Variants in AKAP7 observed in about 807,000 individuals in gnomAD.
AKAP7 encodes the protein A kinase (PRKA) anchor protein 7.
A neutral mutation model predicts 39.5 loss-of-function variants in AKAP7; 39 were observed. That is an observed-to-expected ratio of 0.99 (90% CI 0.76 to 1.29). AKAP7 has a LOEUF of 1.29. Among genes scored for constraint, AKAP7 ranks in the 50% most tolerant of loss-of-function variants. The pLI, the probability that AKAP7 is intolerant of heterozygous loss-of-function variation, is 0.00. For synonymous variants in AKAP7, 140 were observed against 139.1 expected (o/e 1.01, Z -0.05); for missense variants, 414 against 407.7 (o/e 1.02, Z -0.13).
upstream of AKAP7, among the ~76,000 whole-genome samples, chr6:131,132,706 A>G (rs536265490): frequency 6.6e-6 from 1 of 152,236 alleles, no homozygotes; most frequent in African/African-American, 2.4e-5. Flanking sequence ...TTGTACCTCT[A>G]TCTCCTGTAT....
intron 7 of AKAP7, among the ~76,000 whole-genome samples, chr6:131,226,379 A>T (rs1810168672): frequency 6.6e-6 from 1 of 152,224 alleles, no homozygotes. Flanking sequence ...TGGTTGTTTC[A>T]TGCTCAAAGC....
intron 7 of AKAP7, among the ~76,000 whole-genome samples, chr6:131,245,779 C>T (rs900878183): frequency 1.3e-5 from 2 of 152,182 alleles, no homozygotes; most frequent in East Asian, 3.9e-4. Context: ...TGTCTCGTCT[C>T]CTAAGGCTTG....
chr6:131,182,508 C>T (rs1477198922), intron 5 of AKAP7, among the ~76,000 whole-genome samples: 1 of 152,164 alleles, frequency 6.6e-6, no homozygotes, highest in African/African-American at 2.4e-5. Context: ...TTATAATATT[C>T]CGTGGTATAT....
At chr6:131,144,492 A>G (rs899889584) in intron 1 of AKAP7, among the ~76,000 whole-genome samples, 10 of 152,346 alleles carry the variant, frequency 6.6e-5, no homozygotes, top group Admixed American at 4.6e-4. Context: ...ATTCTGTTCA[A>G]TCTTATTAGT....
intron 2 of AKAP7, 26 bp from the exon 3 acceptor site, chr6:131,160,033 C>T (rs541503109): frequency 2.4e-5 from 37 of 1,550,224 alleles, no homozygotes; most frequent in African/African-American, 1.8e-4. Flanking sequence ...ATGTATTAGA[C>T]GTATTGTTTG....
intron 7 of AKAP7, among the ~76,000 whole-genome samples, chr6:131,267,613 GTTACTTAACC>G: frequency 6.6e-6 from 1 of 152,208 alleles, no homozygotes; most frequent in East Asian, 1.9e-4. Flanking sequence ...CACCTCATCA[GTTACTTAACC>G]AGAGCAAGTT....
intron 7 of AKAP7, among the ~76,000 whole-genome samples, chr6:131,235,585 T>C (rs1810982378): frequency 1.3e-5 from 2 of 152,226 alleles, no homozygotes; most frequent in African/African-American, 2.4e-5. Flanking sequence ...TTCCTGACTT[T>C]TTAATGGTCA....
chr6:131,173,125 C>T (rs757155462), intron 5 of AKAP7, among the ~76,000 whole-genome samples: 6 of 149,822 alleles, frequency 4.0e-5, no homozygotes, highest in Non-Finnish European at 5.9e-5. Context: ...CACTTGAACC[C>T]GGGAGGCGGA....
intron 2 of AKAP7, 125 bp downstream of exon 2, chr6:131,145,541 T>C: frequency 1.7e-6 from 1 of 575,758 alleles, no homozygotes; most frequent in Non-Finnish European, 2.5e-6. Flanking sequence ...TTAATTTTGA[T>C]TTCATTTCAT....
At chr6:131,260,489 G>A (rs565475250) in intron 7 of AKAP7, among the ~76,000 whole-genome samples, 3 of 152,136 alleles carry the variant, frequency 2.0e-5, no homozygotes, top group South Asian at 2.1e-4. Context: ...TTTAATAATC[G>A]CCATTCTAAC....
At chr6:131,258,791 A>G (rs1377593386) in intron 7 of AKAP7, among the ~76,000 whole-genome samples, 1 of 152,192 alleles carries the variant, frequency 6.6e-6, no homozygotes, top group Admixed American at 6.5e-5. Flanking sequence ...GAGGCTTATA[A>G]TTTTCTGCAC....
intron 5 of AKAP7, among the ~76,000 whole-genome samples, chr6:131,193,222 A>G (rs1047723673): frequency 2.6e-5 from 4 of 152,084 alleles, no homozygotes; most frequent in Non-Finnish European, 4.4e-5. Context: ...GATCTATTGT[A>G]TATAGCTTTT....
At chr6:131,146,761 T>C (rs1801519962) in intron 2 of AKAP7, among the ~76,000 whole-genome samples, 1 of 152,220 alleles carries the variant, frequency 6.6e-6, no homozygotes, top group African/African-American at 2.4e-5. Context: ...AAAACTGACT[T>C]AGAGAAGTTA....
In AKAP7 at chr6:131,219,813, G is replaced by C; in HGVS notation, c.850+5G>C. ...GTGAATCTTCCATTGTGATTGGTGA[G>C]TGTCATTTAAAAATTATTTATTATC... On this transcript the variant is annotated splice_donor_5th_base_variant and intron_variant, in intron 7 of 7. Transcript: ENST00000431975. 6.7e-7 allele frequency: 1 copy of C among 1,483,744 alleles called. No individual in the cohort carries two copies. Among genetic ancestry groups the C allele is most frequent in the Non-Finnish European group, 8.9e-7 (1 of 1,120,740 alleles). The allele number at this position is 1,483,744 out of a possible 1,614,324, so 91.9% of individuals were successfully genotyped here.
chr6:131,135,397 C>A (rs1428483312), upstream of AKAP7, among the ~76,000 whole-genome samples: 1 of 152,196 alleles, frequency 6.6e-6, no homozygotes, highest in African/African-American at 2.4e-5. Context: ...TAGTTTCCCC[C>A]GCCCTGCCCG....
chr6:131,264,184 C>G (rs944473633), intron 7 of AKAP7, among the ~76,000 whole-genome samples: 1 of 152,152 alleles, frequency 6.6e-6, no homozygotes, highest in Non-Finnish European at 1.5e-5. Flanking sequence ...AAGGTGAGAG[C>G]AAAGCTGAAA....
In AKAP7 at chr6:131,165,212, A is replaced by T. The variant is rs767764609; in HGVS notation, c.423A>T (p.Val141=). ...LVMQLLNEDE[V]NIGIDALLEL... is the part of the protein sequence containing the mutation. ...TGCAATTATTAAATGAAGATGAAGT[A>T]AACATGTGAGTAATGTATCTTTCTT... is the stretch of plus-strand genomic sequence containing the variant. The change falls in exon 4 of 8, where the codon GTA becomes GTT. Residue 141 remains valine (V), a synonymous_variant. Coordinates refer to ENST00000431975, the MANE Select transcript of AKAP7 (RefSeq NM_016377.4). The T allele has an allele frequency of 1.9e-6, 3 of 1,604,248 alleles. No individual in the cohort carries two copies.
chr6:131,198,512 CCTTG>C (rs1807182457), intron 5 of AKAP7, among the ~76,000 whole-genome samples: 2 of 151,956 alleles, frequency 1.3e-5, no homozygotes, highest in Admixed American at 1.3e-4. Context: ...TTGTTTTGGG[CCTTG>C]CTTCTAAGAT....
chr6:131,237,970 A>T (rs930508752), intron 7 of AKAP7, among the ~76,000 whole-genome samples: 2 of 151,632 alleles, frequency 1.3e-5, no homozygotes, highest in African/African-American at 4.8e-5. Context: ...TTTGCTCTCG[A>T]TTCTCTAGTT....
Sources: gnomAD v4.1 joint callset for allele counts (sites outside exome capture counted in the v4.1 genomes callset) on GRCh38, gnomAD v4.1.1 for gene constraint, MANE v1.5 for transcripts, NCBI Gene and HGNC (gene_info 2026-07-23, HGNC 2026-07-21) for gene names.